GRM4: variants seen among roughly 807,000 people sequenced by gnomAD.
GRM4 encodes the protein glutamate metabotropic receptor 4, also known as metabotropic glutamate receptor 4.
Under a neutral mutation model 81.7 loss-of-function variants are expected in GRM4, and 28 were observed. That is an observed-to-expected ratio of 0.34 (90% CI 0.25 to 0.47). The LOEUF (loss-of-function observed/expected upper bound fraction) is 0.47. Ranked by LOEUF, GRM4 falls within the 20% of genes least tolerant of loss-of-function variation. The probability of loss-of-function intolerance (pLI) is 1.00; values close to 1 mark genes in which losing one functional copy is unlikely to be tolerated. For synonymous variants in GRM4, 488 were observed against 528.8 expected, an observed-to-expected ratio of 0.92 and a Z score of 1.06; for missense variants, 948 against 1,290.0, an observed-to-expected ratio of 0.73 and a Z score of 4.06.
rs929907587 is a variant in GRM4 at position 34,142,896 on chromosome 6, G to A, written c.-364+3104C>T. ...GCAGCTCAACTCCTGACATGCTCCC[G>A]CCTCCCCTCCGCCTGCTCAGGACCT... On this transcript the variant is annotated intron_variant, in intron 1 of 10. Transcript: ENST00000538487. 5.3e-5 allele frequency among the ~76,000 whole-genome samples: 8 copies of A among 152,312 alleles called. No homozygotes were observed. In the East Asian group the frequency reaches 5.8e-4, roughly 11 times the overall value.
Position 34,036,417 on chromosome 6 carries a change from G to A in GRM4, c.1693C>T (p.Arg565Trp), listed in dbSNP as rs866725704. Residue 565 changes from arginine (R) to tryptophan (W), a missense_variant, in exon 9 of 11, where the codon CGG (arginine) becomes TGG (tryptophan). Transcript: ENST00000538487. The surrounding 1 kb of genome is among the most constrained non-coding windows in gnomAD (Gnocchi z 9.0). Reference sequence around the variant, plus strand: ...CAGCCCGTGCGGTTCTCTGTGGGCCGCATGTCATAGGGACACGTCTTACAG... The same window carrying A: ...CAGCCCGTGCGGTTCTCTGTGGGCCACATGTCATAGGGACACGTCTTACAG... ...YTCKTCPYDM[R>W]PTENRTGCRP... is the part of the protein sequence containing the mutation. 4 of 1,612,298 alleles carry A rather than the reference G, an allele frequency of 2.5e-6. No individual in the cohort carries two copies. Among genetic ancestry groups the A allele is most frequent in the African/African-American group, 1.3e-5 (1 of 74,892 alleles).
intron 2 of GRM4, among the ~76,000 whole-genome samples, chr6:34,097,109 G>C (rs894120369): frequency 1.3e-5 from 2 of 152,220 alleles, no homozygotes; most frequent in Non-Finnish European, 2.9e-5. Context: ...CCGTCAGCGG[G>C]CTCCAATCTA....
Position 34,142,875 on chromosome 6 carries a change from C to T in GRM4, c.-364+3125G>A, listed in dbSNP as rs190811534. On this transcript the variant is annotated intron_variant, in intron 1 of 10. Transcript: ENST00000538487. Reference sequence around the variant, plus strand: ...AAGGCCACTGAGGCCCAGAAAGCAGCTCAACTCCTGACATGCTCCCGCCTC... The same window carrying T: ...AAGGCCACTGAGGCCCAGAAAGCAGTTCAACTCCTGACATGCTCCCGCCTC... Among the ~76,000 whole-genome samples the T allele has an allele frequency of 3.1e-3, 471 of 152,348 alleles. 3 individuals are homozygous for T. The highest frequency in any genetic ancestry group is 9.8e-3 in the African/African-American group (407 of 41,586).
At chr6:34,072,840 TACAC>T (rs1239329558) in intron 3 of GRM4, among the ~76,000 whole-genome samples, 3 of 128,204 alleles carry the variant, frequency 2.3e-5, no homozygotes, top group African/African-American at 9.2e-5. Context: ...ACCACACAGA[TACAC>T]ACCACACACA....
rs1414323614 is a variant in GRM4, at chr6:34,036,421, G to A, written c.1689C>T (p.Asp563=). The change falls in exon 9 of 11, where the codon GAC becomes GAT. Residue 563 remains aspartate, a synonymous_variant. Transcript: ENST00000538487. The surrounding 1 kb of genome is among the most constrained non-coding windows in gnomAD (Gnocchi z 9.0). ...CCGTGCGGTTCTCTGTGGGCCGCAT[G>A]TCATAGGGACACGTCTTACAGGTGT... ...DRYTCKTCPY[D]MRPTENRTGC... 2 of 1,613,198 alleles carry A rather than the reference G, an allele frequency of 1.2e-6. No homozygotes were observed. The highest frequency in any genetic ancestry group is 1.1e-5 in the South Asian group (1 of 91,070).
rs1213414888 is a variant in GRM4 at position 34,068,729 on chromosome 6, C to T, written c.737-6701G>A. On this transcript the variant is annotated intron_variant, in intron 3 of 10. Coordinates refer to ENST00000538487, the MANE Select transcript of GRM4 (RefSeq NM_000841.4). The surrounding 1 kb of genome is among the most constrained non-coding windows in gnomAD (Gnocchi z 4.2). ...GGCTTGTGCCCTGCCTCACCCACTC[C>T]CTGCTGTGGGGAGACAGTCAGGGGT... Among the ~76,000 whole-genome samples, 2 of 152,180 alleles carry T rather than the reference C, an allele frequency of 1.3e-5. No individual in the cohort carries two copies. The highest frequency in any genetic ancestry group is 2.1e-4 in the South Asian group (1 of 4,830).
Position 34,059,355 on chromosome 6 carries a change from C to T in GRM4, c.873-227G>A, listed in dbSNP as rs2127460808. On this transcript the variant is annotated intron_variant, in intron 4 of 10. Coordinates refer to ENST00000538487, the MANE Select transcript of GRM4 (RefSeq NM_000841.4). This position sits in a 1 kb window ranked among gnomAD's most constrained non-coding sequence, Gnocchi z 5.7. ...CTCATCCAACCTGCCTGCCCCTGGG[C>T]CCACGCCTGCTGCAGGCCCAGCGTG... is the stretch of plus-strand genomic sequence containing the variant. The T allele has an allele frequency of 1.2e-5, 7 of 571,876 alleles. No homozygotes were observed. In the South Asian group the frequency reaches 1.4e-4, roughly 12 times the overall value. The allele number at this position is 571,876 out of a possible 1,614,324, so 35.4% of individuals were successfully genotyped here.
intron 2 of GRM4, among the ~76,000 whole-genome samples, chr6:34,105,720 C>T (rs762817438): frequency 9.8e-5 from 15 of 152,312 alleles, no homozygotes; most frequent in Non-Finnish European, 2.1e-4. Context: ...CCAGCTGCTG[C>T]TCCCCTGGGC....
chr6:34,072,324 C>T (rs1000472739), intron 3 of GRM4, among the ~76,000 whole-genome samples: 4 of 150,216 alleles, frequency 2.7e-5, no homozygotes, highest in Non-Finnish European at 5.9e-5. Flanking sequence ...ATACACACCA[C>T]ACACACATCA....
chr6:34,073,019 ACAC>A (rs1409194457), intron 3 of GRM4, among the ~76,000 whole-genome samples: 3 of 101,966 alleles, frequency 2.9e-5, no homozygotes, highest in East Asian at 3.2e-4. Context: ...CACCACACAC[ACAC>A]ATCACCACAG....
At chr6:34,088,936 T>C (rs891887051) in intron 3 of GRM4, among the ~76,000 whole-genome samples, 20 of 152,156 alleles carry the variant, frequency 1.3e-4, no homozygotes, top group Admixed American at 5.9e-4. Context: ...CCAGTCAGTA[T>C]TGGGCCACTC....
At chr6:34,038,075 T>C (rs1232697223) in intron 8 of GRM4, among the ~76,000 whole-genome samples, 3 of 152,184 alleles carry the variant, frequency 2.0e-5, no homozygotes, top group Admixed American at 2.0e-4. Flanking sequence ...CCCTGTGGAC[T>C]GCAGCTGTGC....
chr6:34,146,158 G>A (rs1216996731), upstream of GRM4: 2 of 985,064 alleles, frequency 2.0e-6, no homozygotes, highest in Non-Finnish European at 2.4e-6. Context: ...ACATCCGCGC[G>A]CACGTGGCGT....
chr6:34,113,438 G>C (rs728836), intron 2 of GRM4, among the ~76,000 whole-genome samples: 6,559 of 152,250 alleles, frequency 0.043, 325 homozygotes, highest in African/African-American at 0.12. Context: ...GCCTGGCCAC[G>C]TTCTCCCATT....
In GRM4 at chr6:34,133,205, T is replaced by C; in HGVS notation, c.292A>G (p.Asn98Asp). ...RINNDPDLLP[N>D]ITLGARILDT... ...AGAATGCGGGCGCCCAGCGTGATGTTAGGCAGCAGGTCCGGGTCGTTGTTG... is the reference window on the plus strand; with the variant it reads ...AGAATGCGGGCGCCCAGCGTGATGTCAGGCAGCAGGTCCGGGTCGTTGTTG... Residue 98 changes from asparagine to aspartate, a missense_variant, in exon 2 of 11, where the codon AAC (asparagine) becomes GAC (aspartate). Asn to Asp is a conservative substitution (Grantham distance 23). Coordinates refer to ENST00000538487, the MANE Select transcript of GRM4 (RefSeq NM_000841.4). This position sits in a 1 kb window ranked among gnomAD's most constrained non-coding sequence, Gnocchi z 6.5. 2 of 1,613,978 alleles carry C rather than the reference T, an allele frequency of 1.2e-6. No individual in the cohort carries two copies. The highest frequency in any genetic ancestry group is 1.7e-6 in the Non-Finnish European group (2 of 1,179,864).
At position 34,035,769 on chromosome 6, in the gene GRM4, A is replaced by C; in HGVS notation, c.2341T>G (p.Phe781Val). The part of the protein sequence containing the change: ...AIKTRGVPET[F>V]NEAKPIGFTM... ...AAGCCAATGGGCTTGGCCTCATTGA[A>C]GGTCTCGGGCACGCCGCGTGTCTTG... The change falls in exon 9 of 11, where the codon TTC becomes GTC. Residue 781 changes from phenylalanine to valine, a missense_variant. Physicochemically the swap from Phe to Val is conservative, Grantham distance 50. Transcript: ENST00000538487. This position sits in a 1 kb window ranked among gnomAD's most constrained non-coding sequence, Gnocchi z 6.6. 6.2e-7 allele frequency: 1 copy of C among 1,613,500 alleles called. No homozygotes were observed. Among genetic ancestry groups the C allele is most frequent in the Non-Finnish European group, 8.5e-7 (1 of 1,179,448 alleles).
Position 34,036,898 on chromosome 6 carries a change from C to G in GRM4, c.1507-295G>C, listed in dbSNP as rs867594475. Among the ~76,000 whole-genome samples, 6 of 152,206 alleles carry G rather than the reference C, an allele frequency of 3.9e-5. No individual in the cohort carries two copies. The highest frequency in any genetic ancestry group is 7.3e-5 in the Non-Finnish European group (5 of 68,044). On this transcript the variant is annotated intron_variant, in intron 8 of 10. Transcript: ENST00000538487. The surrounding 1 kb of genome is among the most constrained non-coding windows in gnomAD (Gnocchi z 9.0). ...AAGCAGTAGTGACAACCTAGAGTCA[C>G]AGGAAACAACAGTGCAGAGCAAAGA...
intron 2 of GRM4, chr6:34,102,173 C>A: frequency 1.3e-6 from 2 of 1,533,760 alleles, no homozygotes. Flanking sequence ...GGGACAGGAG[C>A]AATAATAGGT....
chr6:34,041,766 G>A lies in GRM4; in HGVS notation c.1169-1018C>T, dbSNP rs191519555. Among the ~76,000 whole-genome samples the A allele has an allele frequency of 7.7e-4, 118 of 152,336 alleles. 1 individual carries two copies. The highest frequency in any genetic ancestry group is 2.6e-3 in the African/African-American group (107 of 41,574). On this transcript the variant is annotated intron_variant, in intron 6 of 10. Transcript: ENST00000538487. Reference sequence around the variant, plus strand: ...GGAGCAGGTGGGACGACTTTGTGGAGGGGAAGGTGGTTCTTGGCCTGGGCC... The same window carrying A: ...GGAGCAGGTGGGACGACTTTGTGGAAGGGAAGGTGGTTCTTGGCCTGGGCC...
Sources: gnomAD v4.1 joint callset for allele counts (sites outside exome capture counted in the v4.1 genomes callset) on GRCh38, gnomAD v4.1.1 for gene constraint, Gnocchi (gnomAD v3.1) non-coding constraint, MANE v1.5 for transcripts, NCBI Gene and HGNC (gene_info 2026-07-23, HGNC 2026-07-21) for gene names.